The following DERPC variants were observed in gnomAD, a reference collection of about 807,000 sequenced individuals.
The protein encoded by DERPC is decreased expression in renal and prostate cancer protein.
A neutral mutation model predicts 7.2 loss-of-function variants in DERPC; 1 was observed. That is an observed-to-expected ratio of 0.14 (90% CI 0.05 to 0.66). The LOEUF (loss-of-function observed/expected upper bound fraction) is 0.66. Ranked by LOEUF, DERPC falls within the 30% of genes least tolerant of loss-of-function variation. The pLI is 0.84. For missense variants in DERPC, 502 were observed against 299.4 expected, an observed-to-expected ratio of 1.68 and a Z score of -4.99; for synonymous variants, 185 against 117.6, an observed-to-expected ratio of 1.57 and a Z score of -3.71.
chr16:69,118,257 CAGG>C lies in DERPC; in HGVS notation c.*594_*596del, dbSNP rs1380239719. On this transcript the variant is annotated 3_prime_UTR_variant, in exon 3 of 3. Coordinates refer to ENST00000519520, the MANE Select transcript of DERPC (RefSeq NM_001002847.4). Reference sequence around the variant, plus strand: ...CTTAAATCTGGCCACCTCTAAGTCCCAGGAGAAGGGAGCTGCAGGCCCAGTCAG... The same window carrying C: ...CTTAAATCTGGCCACCTCTAAGTCCCAGAAGGGAGCTGCAGGCCCAGTCAG... The C allele has an allele frequency of 5.0e-5, 39 of 782,820 alleles. No homozygotes were observed. The highest frequency in any genetic ancestry group is 3.9e-4 in the South Asian group (27 of 69,512). 48.5% of individuals were successfully genotyped at this position (782,820 alleles called of 1,614,324 possible).
At chr16:69,123,304 G>A (rs894771696) in intron 1 of DERPC, among the ~76,000 whole-genome samples, 20 of 152,100 alleles carry the variant, frequency 1.3e-4, no homozygotes, top group African/African-American at 4.8e-4. Flanking sequence ...CTTTGGTAAT[G>A]ATGTAAGCTT....
At chr16:69,130,139 C>A (rs1962390246) in intron 1 of DERPC, among the ~76,000 whole-genome samples, 1 of 152,142 alleles carries the variant, frequency 6.6e-6, no homozygotes, top group African/African-American at 2.4e-5. Context: ...ACAGAACAGC[C>A]TGAGCAATGA....
At chr16:69,122,469 T>C (rs1282416814) in intron 1 of DERPC, among the ~76,000 whole-genome samples, 2 of 151,576 alleles carry the variant, frequency 1.3e-5, no homozygotes, top group African/African-American at 4.8e-5. Context: ...GCTTCCCGGG[T>C]TCAAGTGATT....
chr16:69,118,439 C>T lies in DERPC; in HGVS notation c.*415G>A, dbSNP rs748999971. The stretch of plus-strand genomic sequence containing the variant: ...TACGGAAGCATGGTCCGTTCACCAA[C>T]GCCACGTTTCTAGAGAGCAGTGAGC... On this transcript the variant is annotated 3_prime_UTR_variant, in exon 3 of 3. Coordinates refer to ENST00000519520, the MANE Select transcript of DERPC (RefSeq NM_001002847.4). 19 of 1,610,414 alleles carry T rather than the reference C, an allele frequency of 1.2e-5. No homozygotes were observed. Among genetic ancestry groups the T allele is most frequent in the Middle Eastern group, 1.7e-4 (1 of 6,052 alleles).
rs1453766310 is a variant in DERPC at position 69,119,492 on chromosome 16, T to C, written c.937A>G (p.Met313Val). The change falls in exon 3 of 3, where the codon ATG (methionine) becomes GTG (valine). Residue 313 changes from methionine to valine, a missense_variant. Transcript: ENST00000519520. Reference sequence around the variant, plus strand: ...GAGCTAGGACCCGAGTTTGGGCCCATGGGGCCAGGTACTCTTGCCATGGAG... The same window carrying C: ...GAGCTAGGACCCGAGTTTGGGCCCACGGGGCCAGGTACTCTTGCCATGGAG... Reference protein sequence around the residue: ...PSSMARVPGPMGPNSGPSSRG... With the variant: ...PSSMARVPGPVGPNSGPSSRG... The C allele has an allele frequency of 1.4e-6, 1 of 702,812 alleles. No individual in the cohort carries two copies. Among genetic ancestry groups the C allele is most frequent in the Non-Finnish European group, 2.6e-6 (1 of 385,004 alleles). 43.5% of individuals were successfully genotyped at this position (702,812 alleles called of 1,614,324 possible).
chr16:69,122,094 A>G (rs994637207), intron 1 of DERPC, among the ~76,000 whole-genome samples: 3 of 152,078 alleles, frequency 2.0e-5, no homozygotes, highest in Non-Finnish European at 4.4e-5. Flanking sequence ...CCGACAACTA[A>G]TATTTATTAC....
Position 69,118,417 on chromosome 16 carries a change from G to A in DERPC, c.*437C>T, listed in dbSNP as rs752717573. 9.3e-6 allele frequency: 15 copies of A among 1,613,476 alleles called. No individual in the cohort carries two copies. Among genetic ancestry groups the A allele is most frequent in the East Asian group, 2.2e-5 (1 of 44,878 alleles). ...TCCAAGCTGCCCAGGTCAGAGCTAC[G>A]GAAGCATGGTCCGTTCACCAACGCC... On this transcript the variant is annotated 3_prime_UTR_variant, in exon 3 of 3. Coordinates refer to ENST00000519520, the MANE Select transcript of DERPC (RefSeq NM_001002847.4).
At position 69,119,347 on chromosome 16, in the gene DERPC, G is replaced by A; in HGVS notation, c.1082C>T (p.Pro361Leu). The A allele has an allele frequency of 1.4e-6, 1 of 703,086 alleles. No individual in the cohort carries two copies. The highest frequency in any genetic ancestry group is 2.6e-6 in the Non-Finnish European group (1 of 385,018). 43.6% of individuals were successfully genotyped at this position (703,086 alleles called of 1,614,324 possible). A position where few individuals can be genotyped will look rare whatever the true frequency, so the allele number is the denominator to read the frequency against. Residue 361 changes from proline to leucine, a missense_variant, in exon 3 of 3, where the codon CCC becomes CTC. By Grantham distance (98) the Pro-to-Leu change is moderately conservative. Coordinates refer to ENST00000519520, the MANE Select transcript of DERPC (RefSeq NM_001002847.4). The part of the protein sequence containing the change: ...PVGPMGVNAN[P>L]FPRGAGSSAF... ...AGATGAACCTGCTCCCCTGGGAAAG[G>A]GATTGGCATTTACCCCCATGGGGCC...
chr16:69,124,417 A>C (rs995835069), intron 1 of DERPC, among the ~76,000 whole-genome samples: 1 of 152,074 alleles, frequency 6.6e-6, no homozygotes, highest in African/African-American at 2.4e-5. Context: ...TTAAAATGTT[A>C]AACAGATTTT....
In DERPC at chr16:69,120,077, G is replaced by A. The variant is rs767129585; in HGVS notation, c.352C>T (p.Leu118Phe). ...GAVSFPRPGG[L>F]LGPGPGPGPT... ...CCTGGGCCTGGGCCTGGCCCCAAGA[G>A]GCCACCAGGCCTTGGGAAAGAAACT... The change falls in exon 3 of 3, where the codon CTC becomes TTC. Residue 118 changes from leucine (L) to phenylalanine (F), a missense_variant. By Grantham distance (22) the Leu-to-Phe change is conservative. Coordinates refer to ENST00000519520, the MANE Select transcript of DERPC (RefSeq NM_001002847.4). This position sits in a 1 kb window ranked among gnomAD's most constrained non-coding sequence, Gnocchi z 4.0. 1.4e-6 allele frequency: 1 copy of A among 692,824 alleles called. No homozygotes were observed. 42.9% of individuals were successfully genotyped at this position (692,824 alleles called of 1,614,324 possible).
Position 69,119,672 on chromosome 16 carries a change from C to A in DERPC, c.757G>T (p.Ala253Ser). 1 of 674,234 alleles carries A rather than the reference C, an allele frequency of 1.5e-6. No individual in the cohort carries two copies. The highest frequency in any genetic ancestry group is 1.6e-5 in the South Asian group (1 of 64,328). The allele number at this position is 674,234 out of a possible 1,614,324, so 41.8% of individuals were successfully genotyped here. A position where few individuals can be genotyped will look rare whatever the true frequency, so the allele number is the denominator to read the frequency against. The change falls in exon 3 of 3, where the codon GCA (alanine) becomes TCA (serine). Residue 253 changes from alanine (A) to serine (S), a missense_variant. By Grantham distance (99) the Ala-to-Ser change is moderately conservative. Transcript: ENST00000519520. ...GATCCTGTGCCCAAGAGGCCACCTG[C>A]TCTGGCATCTAGATTAGGGCCTGGG... ...LGPGPNLDAR[A>S]GGLLGTGSGL...
intron 1 of DERPC, among the ~76,000 whole-genome samples, chr16:69,123,753 A>G (rs1961851566): frequency 6.6e-6 from 1 of 152,102 alleles, no homozygotes; most frequent in South Asian, 2.1e-4. Flanking sequence ...AAAAGCTTTC[A>G]CCACCTTTCA....
At chr16:69,129,988 G>A (rs1239032838) in intron 1 of DERPC, among the ~76,000 whole-genome samples, 1 of 152,198 alleles carries the variant, frequency 6.6e-6, no homozygotes, top group Non-Finnish European at 1.5e-5. Flanking sequence ...TTTACCCTCT[G>A]CTCCTGAATG....
intron 1 of DERPC, among the ~76,000 whole-genome samples, chr16:69,122,362 ATTCTT>A (rs1207810439): frequency 6.7e-6 from 1 of 149,704 alleles, no homozygotes; most frequent in Non-Finnish European, 1.5e-5. Context: ...TCTTAAGGAT[ATTCTT>A]TTTTTTTTTT....
In DERPC at chr16:69,120,010, C is replaced by A; in HGVS notation, c.419G>T (p.Gly140Val). The A allele has an allele frequency of 1.4e-6, 1 of 692,120 alleles. No homozygotes were observed. The allele number at this position is 692,120 out of a possible 1,614,324, so 42.9% of individuals were successfully genotyped here. A position where few individuals can be genotyped will look rare whatever the true frequency, so the allele number is the denominator to read the frequency against. Residue 140 changes from glycine (G) to valine (V), a missense_variant, in exon 3 of 3, where the codon GGG becomes GTG. Transcript: ENST00000519520. The surrounding 1 kb of genome is among the most constrained non-coding windows in gnomAD (Gnocchi z 4.0). Reference protein sequence around the residue: ...NPRTGALPGPGPLSNPRLGGL... With the variant: ...NPRTGALPGPVPLSNPRLGGL... ...CCCTAACCTGGGGTTAGACAGAGGC[C>A]CTGGGCCTGGCAGAGCCCCTGTCCT...
intron 1 of DERPC, among the ~76,000 whole-genome samples, chr16:69,131,823 C>T (rs1360916805): frequency 6.6e-6 from 1 of 151,740 alleles, no homozygotes; most frequent in Non-Finnish European, 1.5e-5. Flanking sequence ...CCTCCAGGAC[C>T]CCACCCCACT....
Position 69,132,528 on chromosome 16 carries a change from G to C in DERPC, c.-324C>G. On this transcript the variant is annotated 5_prime_UTR_variant, in exon 1 of 3. Coordinates refer to ENST00000519520, the MANE Select transcript of DERPC (RefSeq NM_001002847.4). The stretch of plus-strand genomic sequence containing the variant: ...GCGCGGCGCCGCGCGGCCAACGGGC[G>C]ACAACCGAACCTCCCGCCGCCGTCG... 1 of 335,784 alleles carries C rather than the reference G, an allele frequency of 3.0e-6. No individual in the cohort carries two copies. Among genetic ancestry groups the C allele is most frequent in the Non-Finnish European group, 5.8e-6 (1 of 172,490 alleles). 20.8% of individuals were successfully genotyped at this position (335,784 alleles called of 1,614,324 possible). A position where few individuals can be genotyped will look rare whatever the true frequency, so the allele number is the denominator to read the frequency against.
intron 1 of DERPC, among the ~76,000 whole-genome samples, chr16:69,124,279 C>G (rs1440491756): frequency 6.6e-6 from 1 of 152,194 alleles, no homozygotes; most frequent in Non-Finnish European, 1.5e-5. Context: ...GATAAAACTA[C>G]AGCTTCTGGC....
At chr16:69,125,447 T>A (rs1961990528) in intron 1 of DERPC, among the ~76,000 whole-genome samples, 2 of 151,898 alleles carry the variant, frequency 1.3e-5, no homozygotes, top group South Asian at 4.2e-4. Flanking sequence ...CTGGGCCATC[T>A]GACTATCTAC....
Sources: allele counts gnomAD v4.1 joint callset (sites outside exome capture counted in the v4.1 genomes callset), GRCh38; gene constraint gnomAD v4.1.1; non-coding constraint Gnocchi (gnomAD v3.1); transcripts MANE v1.5; gene names NCBI Gene and HGNC (gene_info 2026-07-23, HGNC 2026-07-21).